The following LIFR variants were observed in gnomAD, a reference collection of about 807,000 sequenced individuals.
LIFR encodes the protein LIF receptor subunit alpha.
LIFR carries 84 observed loss-of-function variants against 122.2 expected under a neutral mutation model. The observed-to-expected ratio is 0.69, with a 90% confidence interval of 0.58 to 0.82. LIFR has a LOEUF of 0.82. Among genes scored for constraint, LIFR ranks in the 40% least tolerant of loss-of-function variants. The pLI, the probability that LIFR is intolerant of heterozygous loss-of-function variation, is 0.00. For synonymous variants in LIFR, 422 were observed against 434.7 expected (o/e 0.97, Z 0.36); for missense variants, 1,294 against 1,311.6 (o/e 0.99, Z 0.21).
At chr5:38,570,391 T>C (rs1749170634) in intron 1 of LIFR, among the ~76,000 whole-genome samples, 1 of 152,242 alleles carries the variant, frequency 6.6e-6, no homozygotes, top group African/African-American at 2.4e-5. Context: ...GGAGAGGACT[T>C]CATACAGTTC....
intron 2 of LIFR, among the ~76,000 whole-genome samples, chr5:38,603,636 G>A (rs1285347067): frequency 2.0e-5 from 3 of 150,952 alleles, no homozygotes; most frequent in Non-Finnish European, 4.4e-5. Context: ...CTGCCCCAGG[G>A]TCCAGGGGTT....
intron 2 of LIFR, among the ~76,000 whole-genome samples, chr5:38,605,949 C>T (rs1348677567): frequency 6.6e-6 from 1 of 152,156 alleles, no homozygotes; most frequent in Non-Finnish European, 1.5e-5. Flanking sequence ...CCGACCACCT[C>T]GTCGTCAGGA....
intron 11 of LIFR, among the ~76,000 whole-genome samples, chr5:38,501,283 C>T (rs965294233): frequency 1.1e-4 from 17 of 152,196 alleles, no homozygotes; most frequent in Non-Finnish European, 2.4e-4. Context: ...AATTCTTACA[C>T]ATGTCGCAAA....
At chr5:38,563,774 A>C (rs2112697843) in intron 1 of LIFR, among the ~76,000 whole-genome samples, 1 of 152,312 alleles carries the variant, frequency 6.6e-6, no homozygotes, top group East Asian at 1.9e-4. Context: ...GCCAAAGGCC[A>C]CACGGTTACT....
At chr5:38,488,072 C>A (rs2561821) in intron 16 of LIFR, among the ~76,000 whole-genome samples, 77,765 of 152,018 alleles carry the variant, frequency 0.51, 21,633 homozygotes, top group African/African-American at 0.74. Flanking sequence ...TTTAGTGACC[C>A]ATCTACCATG....
intron 7 of LIFR, among the ~76,000 whole-genome samples, chr5:38,507,420 C>T (rs1026919944): frequency 2.0e-5 from 3 of 151,556 alleles, no homozygotes; most frequent in Non-Finnish European, 2.9e-5. Flanking sequence ...AAAAATTAGC[C>T]GGGTGTGGTG....
chr5:38,566,679 A>G (rs1236655122), intron 1 of LIFR, among the ~76,000 whole-genome samples: 4 of 152,170 alleles, frequency 2.6e-5, no homozygotes, highest in Non-Finnish European at 5.9e-5. Flanking sequence ...ATGTAATAAT[A>G]TAATATATGG....
chr5:38,582,679 T>C (rs951480516), intron 1 of LIFR, among the ~76,000 whole-genome samples: 8 of 152,168 alleles, frequency 5.3e-5, no homozygotes, highest in African/African-American at 1.9e-4. Context: ...TTTTGGACAA[T>C]ACTAAATCAA....
chr5:38,587,612 A>C (rs535510142), intron 1 of LIFR, among the ~76,000 whole-genome samples: 1 of 152,292 alleles, frequency 6.6e-6, no homozygotes, highest in South Asian at 2.1e-4. Flanking sequence ...GCTATTAAAG[A>C]TGGTGGTGGT....
At chr5:38,518,489 G>A (rs1047811620) in intron 5 of LIFR, among the ~76,000 whole-genome samples, 4 of 152,158 alleles carry the variant, frequency 2.6e-5, no homozygotes, top group African/African-American at 9.7e-5. Context: ...TTATAATGGA[G>A]CTGAAAAATT....
intron 1 of LIFR, chr5:38,579,483 T>C (rs1749511027): frequency 6.6e-6 from 1 of 152,162 alleles, no homozygotes; most frequent in Non-Finnish European, 1.5e-5. Context: ...TATGGTCAGT[T>C]AAGTTTAGGA....
At chr5:38,486,077 C>T (rs1744272355) in intron 16 of LIFR, 97 bp from the exon 17 acceptor site, 1 of 1,094,756 alleles carries the variant, frequency 9.1e-7, no homozygotes, top group Admixed American at 1.9e-5. Context: ...CTAAGTGGGT[C>T]TAGCTGAGGC....
chr5:38,515,400 T>G (rs542673007), intron 5 of LIFR, among the ~76,000 whole-genome samples: 1 of 152,144 alleles, frequency 6.6e-6, no homozygotes, highest in South Asian at 2.1e-4. Context: ...TCCAAGGAGA[T>G]CTACACAGCC....
At chr5:38,576,613 A>T (rs191184292) in intron 1 of LIFR, among the ~76,000 whole-genome samples, 14 of 152,330 alleles carry the variant, frequency 9.2e-5, no homozygotes, top group Admixed American at 2.6e-4. Context: ...AAACAACTAC[A>T]AATGCCAAGA....
intron 4 of LIFR, among the ~76,000 whole-genome samples, chr5:38,523,927 C>A (rs979045975): frequency 2.6e-5 from 4 of 152,144 alleles, no homozygotes; most frequent in African/African-American, 7.2e-5. Flanking sequence ...GCTTCATCAG[C>A]CAAATTTAAG....
chr5:38,553,651 T>C (rs1380585140), intron 1 of LIFR, among the ~76,000 whole-genome samples: 2 of 100,200 alleles, frequency 2.0e-5, no homozygotes, highest in South Asian at 6.0e-4. Context: ...TATATATATA[T>C]ATATATATAT....
rs758055364 is a variant in LIFR, at chr5:38,485,818, C to T, written c.2497+1G>A. On this transcript the variant is annotated splice_donor_variant, in intron 17 of 19. Coordinates refer to ENST00000453190, the MANE Select transcript of LIFR (RefSeq NM_001127671.2). LOFTEE classifies it high-confidence loss of function. Reference sequence around the variant, plus strand: ...CACCTCAACAGCAACCTGAAACTTACAATTTTCCTTTGTCACCACATACAT... The same window carrying T: ...CACCTCAACAGCAACCTGAAACTTATAATTTTCCTTTGTCACCACATACAT... 2 of 1,614,058 alleles carry T rather than the reference C, an allele frequency of 1.2e-6. No individual in the cohort carries two copies. The highest frequency in any genetic ancestry group is 1.1e-5 in the South Asian group (1 of 91,076).
chr5:38,509,059 A>G (rs1477554303), intron 7 of LIFR, among the ~76,000 whole-genome samples: 2 of 152,328 alleles, frequency 1.3e-5, no homozygotes, highest in East Asian at 3.9e-4. Context: ...CAATATTTCA[A>G]CCTCCAAACG....
chr5:38,551,328 C>T (rs1335807383), intron 1 of LIFR, among the ~76,000 whole-genome samples: 1 of 152,172 alleles, frequency 6.6e-6, no homozygotes, highest in East Asian at 1.9e-4. Flanking sequence ...TCAGGGGCTG[C>T]AGCCTAAAGT....
Sources: gnomAD v4.1 joint callset for allele counts (sites outside exome capture counted in the v4.1 genomes callset) on GRCh38, gnomAD v4.1.1 for gene constraint, MANE v1.5 for transcripts, NCBI Gene and HGNC (gene_info 2026-07-23, HGNC 2026-07-21) for gene names.